FRMPD4: variants seen among roughly 807,000 people sequenced by gnomAD.
FRMPD4 encodes FERM and PDZ domain containing 4.
FRMPD4 carries 22 observed loss-of-function variants against 94.1 expected under a neutral mutation model. The ratio of observed to expected loss-of-function variants is 0.23; its 90% CI spans 0.17 to 0.33. The LOEUF (loss-of-function observed/expected upper bound fraction) is 0.33. Among genes scored for constraint, FRMPD4 ranks in the 10% least tolerant of loss-of-function variants. The probability of loss-of-function intolerance (pLI) is 1.00; values close to 1 mark genes in which losing one functional copy is unlikely to be tolerated. For missense variants in FRMPD4, 1,111 were observed against 1,339.9 expected, an observed-to-expected ratio of 0.83 and a Z score of 2.67; for synonymous variants, 631 against 548.6, an observed-to-expected ratio of 1.15 and a Z score of -2.10.
intron 3 of FRMPD4, among the ~76,000 whole-genome samples, chrX:12,075,528 T>A (rs1569009): frequency 2.7e-5 from 3 of 111,191 alleles, no homozygotes; most frequent in African/African-American, 9.8e-5. Flanking sequence ...CAATTCTGCA[T>A]GCCTTATGAC....
chrX:12,661,914 C>A (rs2059718065), intron 4 of FRMPD4, among the ~76,000 whole-genome samples: 1 of 112,235 alleles, frequency 8.9e-6, no homozygotes, highest in African/African-American at 3.2e-5. Context: ...TCTTTGCCAG[C>A]AATTGACTAG....
chrX:12,005,949 T>G (rs2054551314), intron 3 of FRMPD4, among the ~76,000 whole-genome samples: 1 of 111,597 alleles, frequency 9.0e-6, no homozygotes, highest in African/African-American at 3.3e-5. Flanking sequence ...AGATTCTTTT[T>G]TTCCCGTTGA....
intron 1 of FRMPD4, among the ~76,000 whole-genome samples, chrX:12,237,809 A>G (rs2057086949): frequency 8.9e-6 from 1 of 112,739 alleles, no homozygotes; most frequent in Non-Finnish European, 1.9e-5. Flanking sequence ...TGTGTTTTCT[A>G]TAAGTATAAT....
intron 4 of FRMPD4, among the ~76,000 whole-genome samples, chrX:12,624,102 G>A (rs183681873): frequency 8.9e-6 from 1 of 112,419 alleles, no homozygotes; most frequent in East Asian, 2.8e-4. Flanking sequence ...GGAGTTCATT[G>A]CCAGTATATC....
rs1413698596 is a variant in FRMPD4, at chrX:12,427,830, G to A, written c.42-70850G>A. On this transcript the variant is annotated intron_variant, in intron 1 of 16. Coordinates refer to ENST00000675598, the MANE Select transcript of FRMPD4 (RefSeq NM_001368397.1). Reference sequence around the variant, plus strand: ...CATAAGTCACTTTTTTGATTCATCCGATTTTAGACAGTATCGTTGACTTTT... The same window carrying A: ...CATAAGTCACTTTTTTGATTCATCCAATTTTAGACAGTATCGTTGACTTTT... 4.1e-4 allele frequency among the ~76,000 whole-genome samples: 44 copies of A among 107,745 alleles called. No homozygotes were observed. The Admixed American group carries it at 4.4e-3, about 11-fold the overall frequency. The allele number at this position is 107,745 out of a possible 115,157, so 93.6% of individuals were successfully genotyped here.
At chrX:12,443,527 A>G (rs1031952407) in intron 1 of FRMPD4, among the ~76,000 whole-genome samples, 1 of 111,883 alleles carries the variant, frequency 8.9e-6, no homozygotes, top group Non-Finnish European at 1.9e-5. Flanking sequence ...CTCAAATATC[A>G]CATGGTACTG....
At chrX:12,491,891 A>T (rs1199738254) in intron 1 of FRMPD4, among the ~76,000 whole-genome samples, 2 of 111,977 alleles carry the variant, frequency 1.8e-5, no homozygotes, top group African/African-American at 3.2e-5. Flanking sequence ...ATGAACAGGT[A>T]CAACAGCATT....
intron 1 of FRMPD4, among the ~76,000 whole-genome samples, chrX:12,147,514 T>C (rs751073215): frequency 1.8e-5 from 2 of 112,452 alleles, no homozygotes; most frequent in Admixed American, 1.9e-4. Flanking sequence ...TATTCTTGTA[T>C]GACACTGTGT....
At chrX:11,949,009 G>A (rs2054205899) in intron 3 of FRMPD4, among the ~76,000 whole-genome samples, 1 of 111,902 alleles carries the variant, frequency 8.9e-6, no homozygotes, top group South Asian at 3.7e-4. Context: ...AATCACATGA[G>A]GGCTTTGCTT....
intron 1 of FRMPD4, among the ~76,000 whole-genome samples, chrX:11,858,308 C>T (rs1487677718): frequency 9.0e-6 from 1 of 111,614 alleles, no homozygotes; most frequent in African/African-American, 3.3e-5. Context: ...AACCTAAGAG[C>T]CCATTAATGA....
chrX:12,462,011 A>G (rs2057395743), intron 1 of FRMPD4, among the ~76,000 whole-genome samples: 1 of 111,692 alleles, frequency 9.0e-6, no homozygotes, highest in Non-Finnish European at 1.9e-5. Flanking sequence ...GTGGCTTTCT[A>G]CCTTGCTGCC....
chrX:12,312,357 A>G (rs1387260475), intron 1 of FRMPD4, among the ~76,000 whole-genome samples: 1 of 99,660 alleles, frequency 1.0e-5, no homozygotes, highest in Non-Finnish European at 2.0e-5. Flanking sequence ...GGTTCATGCC[A>G]TTCTCCTGCC....
At chrX:12,459,483 C>T (rs2057371056) in intron 1 of FRMPD4, among the ~76,000 whole-genome samples, 1 of 111,439 alleles carries the variant, frequency 9.0e-6, no homozygotes, top group African/African-American at 3.3e-5. Context: ...TCCCCTATCC[C>T]CTGGCCCCAG....
At chrX:11,973,995 T>A (rs1403578677) in intron 3 of FRMPD4, among the ~76,000 whole-genome samples, 2 of 111,856 alleles carry the variant, frequency 1.8e-5, no homozygotes. Flanking sequence ...GGACTAAGTC[T>A]GAGAGTCAGG....
intron 1 of FRMPD4, among the ~76,000 whole-genome samples, chrX:11,859,454 G>A (rs1217311412): frequency 5.4e-5 from 6 of 111,516 alleles, no homozygotes; most frequent in Non-Finnish European, 1.1e-4. Flanking sequence ...GAGATAAGGT[G>A]GACATTTTCT....
At chrX:12,392,815 T>C (rs1432608906) in intron 1 of FRMPD4, among the ~76,000 whole-genome samples, 1 of 111,712 alleles carries the variant, frequency 9.0e-6, no homozygotes, top group Non-Finnish European at 1.9e-5. Flanking sequence ...TCCTATTTAA[T>C]CTAAACTAAG....
At chrX:12,702,315 T>C (rs1306490897) in intron 10 of FRMPD4, among the ~76,000 whole-genome samples, 6 of 112,416 alleles carry the variant, frequency 5.3e-5, no homozygotes, top group Non-Finnish European at 1.1e-4. Flanking sequence ...TTTGTTTAAT[T>C]CTCACAACAC....
chrX:12,521,401 C>T lies in FRMPD4; in HGVS notation c.158+22605C>T, dbSNP rs761557176. On this transcript the variant is annotated intron_variant, in intron 2 of 16. Coordinates refer to ENST00000675598, the MANE Select transcript of FRMPD4 (RefSeq NM_001368397.1). ...TTGGAAGATCGTGCAATCTCTTCTC[C>T]TTTCCCCATCTGCAATGGATTGTCA... 2.2e-3 allele frequency among the ~76,000 whole-genome samples: 250 copies of T among 112,094 alleles called. 5 individuals are homozygous for T. The highest frequency in any genetic ancestry group is 3.4e-3 in the Non-Finnish European group (180 of 53,248).
chrX:12,652,469 C>CA (rs1204505274), intron 4 of FRMPD4, among the ~76,000 whole-genome samples: 4 of 111,803 alleles, frequency 3.6e-5, no homozygotes, highest in African/African-American at 1.3e-4. Flanking sequence ...TATCTATTTT[C>CA]AAAACTTTTT....
Sources: gnomAD v4.1 joint callset for allele counts (sites outside exome capture counted in the v4.1 genomes callset) on GRCh38, gnomAD v4.1.1 for gene constraint, MANE v1.5 for transcripts, NCBI Gene and HGNC (gene_info 2026-07-23, HGNC 2026-07-21) for gene names.